The following SPATA1 variants were observed in gnomAD, a reference collection of about 807,000 sequenced individuals.
SPATA1 encodes spermatogenesis-associated protein 1.
In SPATA1, 57 loss-of-function variants were observed where a neutral mutation model predicts 59.6. The observed-to-expected ratio is 0.96, with a 90% CI of 0.77 to 1.19. The LOEUF (loss-of-function observed/expected upper bound fraction) is 1.19, where lower values mean the gene tolerates loss of function less well. Among genes scored for constraint, SPATA1 ranks in the 50% most tolerant of loss-of-function variants. SPATA1 has a pLI of 0.00. For missense variants in SPATA1, 448 were observed against 480.7 expected, an observed-to-expected ratio of 0.93 and a Z score of 0.64; for synonymous variants, 147 against 163.9, an observed-to-expected ratio of 0.90 and a Z score of 0.79.
intron 6 of SPATA1, among the ~76,000 whole-genome samples, chr1:84,526,968 AG>A (rs138060417): frequency 0.018 from 2,805 of 152,112 alleles, 91 homozygotes; most frequent in East Asian, 0.13. Context: ...AAGAATCAAT[AG>A]GAAAAAAAGA....
Position 84,545,223 on chromosome 1 carries a change from AT to A in SPATA1, c.821-410del, listed in dbSNP as rs201413531. Among the ~76,000 whole-genome samples the A allele has an allele frequency of 9.5e-3, 1,409 of 148,700 alleles. 31 individuals carry two copies. Among genetic ancestry groups the A allele is most frequent in the African/African-American group, 0.032 (1,322 of 40,828 alleles). On this transcript the variant is annotated intron_variant, in intron 9 of 12. Coordinates refer to ENST00000490879, the Ensembl canonical transcript of SPATA1. ...CAGAGTGAGACTCCATCTCAAAAAA[AT>A]ATATATATATTTATATATCATATAT...
chr1:84,513,723 A>T (rs541132275), intron 1 of SPATA1, among the ~76,000 whole-genome samples: 8 of 152,198 alleles, frequency 5.3e-5, no homozygotes, highest in Non-Finnish European at 8.8e-5. Context: ...CAGTTAACCT[A>T]GTCATTTTCT....
At chr1:84,564,545 G>T (rs1415388346) in intron 4 of SPATA1, among the ~76,000 whole-genome samples, 1 of 152,132 alleles carries the variant, frequency 6.6e-6, no homozygotes, top group Non-Finnish European at 1.5e-5. Context: ...TAGTTTGGTT[G>T]TTGATTTATT....
At chr1:84,541,575 T>C (rs1283164962) in intron 8 of SPATA1, among the ~76,000 whole-genome samples, 1 of 152,162 alleles carries the variant, frequency 6.6e-6, no homozygotes, top group Non-Finnish European at 1.5e-5. Context: ...ATTTCACACC[T>C]TCCTATTTTC....
Position 84,516,456 on chromosome 1 carries a change from GT to G in SPATA1, c.36+65del, listed in dbSNP as rs1259176716. ...ACCTGCTTATCACTGTTTTTGAAAA[GT>G]TTTATAAAAGCAAAAACATAGATTA... On this transcript the variant is annotated intron_variant, in intron 2 of 12. Transcript: ENST00000490879. 3 of 1,100,598 alleles carry G rather than the reference GT, an allele frequency of 2.7e-6. No homozygotes were observed. The African/African-American group carries it at 5.0e-5, about 18-fold the overall frequency. The allele number at this position is 1,100,598 out of a possible 1,614,324, so 68.2% of individuals were successfully genotyped here. A position where few individuals can be genotyped will look rare whatever the true frequency, so the allele number is the denominator to read the frequency against.
chr1:84,552,973 C>T (rs568303871), intron 12 of SPATA1: 181 of 1,109,028 alleles, frequency 1.6e-4, no homozygotes, highest in Non-Finnish European at 2.2e-4. Context: ...TACATGACAA[C>T]TATGATGTAC....
intron 8 of SPATA1, among the ~76,000 whole-genome samples, chr1:84,534,139 TA>T (rs1683583793): frequency 1.3e-5 from 2 of 152,078 alleles, no homozygotes; most frequent in Admixed American, 1.3e-4. Flanking sequence ...TAAGAAGCAG[TA>T]TAGTAGTAAA....
chr1:84,562,674 C>T (rs1684617111), intron 4 of SPATA1, among the ~76,000 whole-genome samples: 1 of 152,116 alleles, frequency 6.6e-6, no homozygotes. Context: ...ATAGCAATTC[C>T]TATTAAACAC....
intron 4 of SPATA1, among the ~76,000 whole-genome samples, chr1:84,562,907 A>C (rs1684620692): frequency 6.6e-6 from 1 of 152,192 alleles, no homozygotes; most frequent in African/African-American, 2.4e-5. Context: ...GGAGGCTTTC[A>C]GAGATAGTAA....
intron 2 of SPATA1, among the ~76,000 whole-genome samples, chr1:84,517,617 A>G (rs2101927763): frequency 6.6e-6 from 1 of 152,160 alleles, no homozygotes; most frequent in East Asian, 1.9e-4. Context: ...CTGAGGCCAA[A>G]TGCCTTGGAG....
At chr1:84,512,566 G>A (rs971218981) in intron 1 of SPATA1, among the ~76,000 whole-genome samples, 2 of 152,198 alleles carry the variant, frequency 1.3e-5, no homozygotes, top group African/African-American at 2.4e-5. Flanking sequence ...CACAGAATAA[G>A]TATCAGAATT....
chr1:84,536,982 C>T (rs1227664072), intron 8 of SPATA1, among the ~76,000 whole-genome samples: 2 of 150,974 alleles, frequency 1.3e-5, no homozygotes, highest in Admixed American at 6.6e-5. Flanking sequence ...CAGGTTCAAG[C>T]GATTCTCCTG....
chr1:84,550,478 A>G (rs375961980), exon 12 of SPATA1: 4 of 1,569,886 alleles, frequency 2.5e-6, no homozygotes, highest in East Asian at 4.6e-5. Context: ...GCAATTGACC[A>G]GCTTAAGAGA....
chr1:84,521,329 A>G (rs1033883888), intron 3 of SPATA1, among the ~76,000 whole-genome samples: 4 of 152,330 alleles, frequency 2.6e-5, no homozygotes, highest in Admixed American at 2.6e-4. Flanking sequence ...TGTATTTTCA[A>G]ATTCACAAAA....
At chr1:84,546,395 T>C (rs1424056623) in intron 10 of SPATA1, among the ~76,000 whole-genome samples, 2 of 147,384 alleles carry the variant, frequency 1.4e-5, no homozygotes, top group Admixed American at 6.9e-5. Flanking sequence ...GAGGCGGAAG[T>C]TGCAGTGAGC....
At chr1:84,511,852 T>G (rs543372069) in intron 1 of SPATA1, among the ~76,000 whole-genome samples, 1 of 152,144 alleles carries the variant, frequency 6.6e-6, no homozygotes, top group Non-Finnish European at 1.5e-5. Flanking sequence ...CGGCCAATTT[T>G]GTATTTTTAT....
chr1:84,519,990 A>T (rs910843475), intron 2 of SPATA1: 1 of 152,216 alleles, frequency 6.6e-6, no homozygotes, highest in Non-Finnish European at 1.5e-5. Context: ...AATCAAGGTC[A>T]TAACAAAACA....
chr1:84,510,421 GATC>G (rs1244271605), intron 1 of SPATA1, among the ~76,000 whole-genome samples: 1 of 152,160 alleles, frequency 6.6e-6, no homozygotes, highest in Non-Finnish European at 1.5e-5. Flanking sequence ...CAACATCACC[GATC>G]ATCAGGAGAA....
chr1:84,560,800 A>G (rs1175900211), intron 4 of SPATA1, among the ~76,000 whole-genome samples: 4 of 152,228 alleles, frequency 2.6e-5, no homozygotes, highest in Admixed American at 2.6e-4. Context: ...CCTGTGATCT[A>G]TAAATGGAAT....
Sources: allele counts gnomAD v4.1 joint callset (sites outside exome capture counted in the v4.1 genomes callset), GRCh38; gene constraint gnomAD v4.1.1; transcripts MANE v1.5; gene names NCBI Gene and HGNC (gene_info 2026-07-23, HGNC 2026-07-21).